Variants in PDE4D observed in about 807,000 individuals in gnomAD.
PDE4D encodes the protein phosphodiesterase 4D, also known as 3',5'-cyclic-AMP phosphodiesterase 4D.
In PDE4D, 24 loss-of-function variants were observed where a neutral mutation model predicts 87.4. The observed-to-expected ratio is 0.27, with a 90% CI of 0.20 to 0.39. The LOEUF (loss-of-function observed/expected upper bound fraction) is 0.39. PDE4D is among the 10% of genes least tolerant of loss of function. The pLI is 1.00. For synonymous variants in PDE4D, 384 were observed against 383.2 expected (o/e 1.00, Z -0.02); for missense variants, 714 against 1,041.0 (o/e 0.69, Z 4.32).
intron 1 of PDE4D, among the ~76,000 whole-genome samples, chr5:60,385,755 C>T (rs964944815): frequency 6.6e-6 from 1 of 152,166 alleles, no homozygotes; most frequent in Non-Finnish European, 1.5e-5. Flanking sequence ...GTACTTACTA[C>T]TCCCCCTTCT....
At chr5:59,423,563 A>G (rs1794775879) in intron 1 of PDE4D, among the ~76,000 whole-genome samples, 2 of 152,178 alleles carry the variant, frequency 1.3e-5, no homozygotes, top group South Asian at 4.1e-4. Context: ...ACAGACACAG[A>G]AGAAAAGAAA....
chr5:60,471,769 C>T (rs983834405), intron 1 of PDE4D, among the ~76,000 whole-genome samples: 4 of 152,150 alleles, frequency 2.6e-5, no homozygotes, highest in African/African-American at 9.7e-5. Context: ...CACACTTAAT[C>T]AACTACAGTA....
chr5:59,686,084 C>G lies in PDE4D; in HGVS notation c.455+207084G>C, dbSNP rs959076568. Reference sequence around the variant, plus strand: ...AGTTTTAAGGCTTTTGTTTATGACACAACAGGCCAGATGGTGGTGTCTCTC... The same window carrying G: ...AGTTTTAAGGCTTTTGTTTATGACAGAACAGGCCAGATGGTGGTGTCTCTC... On this transcript the variant is annotated intron_variant, in intron 1 of 14. Transcript: ENST00000340635. Among the ~76,000 whole-genome samples, 3 of 152,178 alleles carry G rather than the reference C, an allele frequency of 2.0e-5. No individual in the cohort carries two copies. In the South Asian group the frequency reaches 6.2e-4, roughly 31 times the overall value.
intron 2 of PDE4D, among the ~76,000 whole-genome samples, chr5:60,125,420 A>G (rs930411657): frequency 1.3e-5 from 2 of 152,106 alleles, no homozygotes; most frequent in Non-Finnish European, 2.9e-5. Context: ...AAGCCATCAT[A>G]ATCTCCTGCC....
rs538769783 is a variant in PDE4D at position 59,522,695 on chromosome 5, C to T, written c.456-306727G>A. On this transcript the variant is annotated intron_variant, in intron 1 of 14. Transcript: ENST00000340635. ...AGGAGTAAAATTGCCTATGCCATTT[C>T]ACATGAATGATATACAGAATGTGAC... Among the ~76,000 whole-genome samples, 10 of 152,278 alleles carry T rather than the reference C, an allele frequency of 6.6e-5. No individual in the cohort carries two copies. In the South Asian group the frequency reaches 2.1e-3, roughly 32 times the overall value.
At chr5:59,782,049 G>C (rs886451767) in intron 1 of PDE4D, among the ~76,000 whole-genome samples, 1 of 152,074 alleles carries the variant, frequency 6.6e-6, no homozygotes, top group Non-Finnish European at 1.5e-5. Flanking sequence ...TATGTGTTAT[G>C]TTTTTCAGAT....
At chr5:60,414,809 C>T (rs917821305) in intron 1 of PDE4D, among the ~76,000 whole-genome samples, 1 of 152,234 alleles carries the variant, frequency 6.6e-6, no homozygotes, top group African/African-American at 2.4e-5. Context: ...AGTCATTCCA[C>T]ATGACAGCCT....
At chr5:59,368,033 T>TC (rs1783360373) in intron 1 of PDE4D, among the ~76,000 whole-genome samples, 1 of 152,186 alleles carries the variant, frequency 6.6e-6, no homozygotes, top group Non-Finnish European at 1.5e-5. Context: ...GCCAAAAACT[T>TC]CAAGTATCCT....
At chr5:60,214,542 T>C (rs960074719) in intron 1 of PDE4D, among the ~76,000 whole-genome samples, 1 of 152,198 alleles carries the variant, frequency 6.6e-6, no homozygotes, top group Non-Finnish European at 1.5e-5. Flanking sequence ...ACCAATTTAA[T>C]AATATTATTT....
intron 1 of PDE4D, among the ~76,000 whole-genome samples, chr5:60,258,308 G>A (rs1749308601): frequency 6.6e-6 from 1 of 151,818 alleles, no homozygotes; most frequent in African/African-American, 2.4e-5. Flanking sequence ...AAAATAAATA[G>A]AAAGACATAA....
chr5:60,403,517 A>G (rs1228348483), intron 1 of PDE4D, among the ~76,000 whole-genome samples: 1 of 152,168 alleles, frequency 6.6e-6, no homozygotes, highest in African/African-American at 2.4e-5. Flanking sequence ...AGAAAAGATG[A>G]CCTCTTCCCC....
At chr5:59,804,346 A>G (rs1581185967) in intron 1 of PDE4D, among the ~76,000 whole-genome samples, 1 of 152,216 alleles carries the variant, frequency 6.6e-6, no homozygotes, top group Non-Finnish European at 1.5e-5. Context: ...TGCCAGAGAC[A>G]TTATTTGGTT....
At chr5:59,202,370 A>G (rs1747692719) in intron 2 of PDE4D, among the ~76,000 whole-genome samples, 1 of 151,488 alleles carries the variant, frequency 6.6e-6, no homozygotes, top group Non-Finnish European at 1.5e-5. Context: ...TTTTGAAAAA[A>G]TTTTAAAGAG....
At chr5:60,342,354 T>C (rs1056087544) in intron 1 of PDE4D, among the ~76,000 whole-genome samples, 1 of 152,136 alleles carries the variant, frequency 6.6e-6, no homozygotes, top group Non-Finnish European at 1.5e-5. Context: ...TTAATAGTAG[T>C]GGAAGGTGCG....
At chr5:60,096,258 C>A (rs1775671261) in intron 2 of PDE4D, among the ~76,000 whole-genome samples, 1 of 152,102 alleles carries the variant, frequency 6.6e-6, no homozygotes, top group East Asian at 1.9e-4. Context: ...AATAACTCCA[C>A]ACTCTACAAC....
intron 1 of PDE4D, among the ~76,000 whole-genome samples, chr5:59,338,800 C>G (rs1391919021): frequency 1.3e-5 from 2 of 152,090 alleles, no homozygotes. Flanking sequence ...TACTTAAATT[C>G]CTACAAAAAT....
intron 2 of PDE4D, among the ~76,000 whole-genome samples, chr5:60,138,604 T>G (rs1780250110): frequency 6.6e-6 from 1 of 151,410 alleles, no homozygotes; most frequent in South Asian, 2.1e-4. Flanking sequence ...GAAGTTTAAA[T>G]CATTGCTTAT....
chr5:59,456,290 C>G (rs1187967477), intron 1 of PDE4D, among the ~76,000 whole-genome samples: 2 of 152,166 alleles, frequency 1.3e-5, no homozygotes, highest in Non-Finnish European at 2.9e-5. Flanking sequence ...CTTTCCTGTG[C>G]TATTCTCCTG....
chr5:59,986,964 T>C (rs1762509479), intron 3 of PDE4D: 1 of 152,228 alleles, frequency 6.6e-6, no homozygotes, highest in Admixed American at 6.5e-5. Flanking sequence ...CTTGTCTTAC[T>C]TCACTTGGGG....
Sources: allele counts gnomAD v4.1 joint callset (sites outside exome capture counted in the v4.1 genomes callset), GRCh38; gene constraint gnomAD v4.1.1; transcripts MANE v1.5; gene names NCBI Gene and HGNC (gene_info 2026-07-23, HGNC 2026-07-21).